DOCK2: variants seen among roughly 807,000 people sequenced by gnomAD.
DOCK2 encodes dedicator of cytokinesis protein 2.
A neutral mutation model predicts 248.9 loss-of-function variants in DOCK2; 87 were observed. That is an observed-to-expected ratio of 0.35 (90% confidence interval 0.29 to 0.42). DOCK2 has a LOEUF of 0.42. Among genes scored for constraint, DOCK2 ranks in the 10% least tolerant of loss-of-function variants. DOCK2 has a pLI of 1.00. For synonymous variants in DOCK2, 805 were observed against 821.6 expected (o/e 0.98, Z 0.35); for missense variants, 1,747 against 2,300.2 (o/e 0.76, Z 4.92).
intron 23 of DOCK2, 42 bp from the exon 24 acceptor site, chr5:169,759,652 GCACAGACTTGT>G: frequency 2.5e-6 from 4 of 1,600,322 alleles, no homozygotes; most frequent in Non-Finnish European, 8.6e-7. Context: ...CTCTTTGCCA[GCACAGACTTGT>G]TGATGTGAGG....
chr5:169,714,394 G>A lies in DOCK2; in HGVS notation c.1878G>A (p.Lys626=). ...GLLGLLKWRM[K]PQLLQENLEK... ...TGGGTTTGCTGAAGTGGCGTATGAA[G>A]CCTCAACTGCTACAGGAGAATTTAG... Residue 626 remains lysine, a synonymous_variant, in exon 19 of 52, where the codon AAG becomes AAA. Coordinates refer to ENST00000520908, the MANE Select transcript of DOCK2 (RefSeq NM_004946.3). 2 of 1,614,072 alleles carry A rather than the reference G, an allele frequency of 1.2e-6. No homozygotes were observed. The highest frequency in any genetic ancestry group is 1.1e-5 in the South Asian group (1 of 91,082).
At chr5:169,963,895 G>A (rs1463688393) in intron 27 of DOCK2, among the ~76,000 whole-genome samples, 2 of 152,122 alleles carry the variant, frequency 1.3e-5, no homozygotes, top group Non-Finnish European at 2.9e-5. Context: ...GGTGTGGGGT[G>A]GAGCCTGAGA....
At chr5:169,701,757 A>T (rs1760983672) in intron 13 of DOCK2, among the ~76,000 whole-genome samples, 1 of 152,056 alleles carries the variant, frequency 6.6e-6, no homozygotes, top group African/African-American at 2.4e-5. Flanking sequence ...AGCTCAGGCG[A>T]TCTGCCCGCT....
intron 29 of DOCK2, among the ~76,000 whole-genome samples, chr5:169,993,854 A>G (rs1383753253): frequency 6.6e-6 from 1 of 151,922 alleles, no homozygotes; most frequent in Non-Finnish European, 1.5e-5. Flanking sequence ...GCAACTTTCA[A>G]TCAGTGAGGG....
rs748817636 is a variant in DOCK2, at chr5:169,712,025, T to C, written c.1555+18T>C. ...TCTGGAATGTGAGTACCATACTGAA[T>C]GGCATCTCTGCACCTCCCCCTAAGG... On this transcript the variant is annotated intron_variant, in intron 16 of 51. Transcript: ENST00000520908. The C allele has an allele frequency of 7.3e-5, 118 of 1,614,016 alleles. No homozygotes were observed. Among genetic ancestry groups the C allele is most frequent in the Non-Finnish European group, 9.5e-5 (112 of 1,179,972 alleles).
chr5:169,883,177 G>C (rs780974743), intron 27 of DOCK2: 2 of 1,551,632 alleles, frequency 1.3e-6, no homozygotes, highest in Admixed American at 3.9e-5. Context: ...CCCATCACCT[G>C]GACGTGTGTC....
intron 32 of DOCK2, among the ~76,000 whole-genome samples, chr5:170,012,261 G>T (rs1755329155): frequency 6.8e-6 from 1 of 147,660 alleles, no homozygotes; most frequent in Non-Finnish European, 1.5e-5. Context: ...TGTTTCAAAG[G>T]ATGTGAAATG....
intron 27 of DOCK2, among the ~76,000 whole-genome samples, chr5:169,890,189 C>T (rs1773202875): frequency 6.6e-6 from 1 of 152,186 alleles, no homozygotes; most frequent in African/African-American, 2.4e-5. Context: ...ATTTAGCTGG[C>T]CAGACATCTA....
At chr5:170,048,052 A>G (rs916036387) in intron 40 of DOCK2, among the ~76,000 whole-genome samples, 1 of 152,228 alleles carries the variant, frequency 6.6e-6, no homozygotes, top group Non-Finnish European at 1.5e-5. Flanking sequence ...CTACATGAGA[A>G]ATTAAAACTA....
intron 25 of DOCK2, among the ~76,000 whole-genome samples, chr5:169,767,553 T>C (rs1222164510): frequency 6.6e-6 from 1 of 152,238 alleles, no homozygotes; most frequent in Non-Finnish European, 1.5e-5. Context: ...GGATCCTGGC[T>C]TGATTGCATG....
At position 169,953,904 on chromosome 5, in the gene DOCK2, G is replaced by A. The variant is rs1395876052; in HGVS notation, c.2800-29164G>A. ...GTTTCCTCATCAGTAGAATAGGAAT[G>A]GTAATTGTAACTACCTCAAGAATTG... is the stretch of plus-strand genomic sequence containing the variant. On this transcript the variant is annotated intron_variant, in intron 27 of 51. Transcript: ENST00000520908. Among the ~76,000 whole-genome samples, 3 of 152,328 alleles carry A rather than the reference G, an allele frequency of 2.0e-5. No individual in the cohort carries two copies. The East Asian group carries it at 5.8e-4, about 29-fold the overall frequency.
chr5:170,023,679 C>A lies in DOCK2; in HGVS notation c.3382-4184C>A, dbSNP rs535307191. The stretch of plus-strand genomic sequence containing the variant: ...GACACCCCTTCTCACGTGACATTCT[C>A]TTTTCCAGGTTCCTCCCAACTCTAC... On this transcript the variant is annotated intron_variant, in intron 33 of 51. Transcript: ENST00000520908. Among the ~76,000 whole-genome samples, 77 of 152,298 alleles carry A rather than the reference C, an allele frequency of 5.1e-4. 1 individual carries two copies. The highest frequency in any genetic ancestry group is 1.7e-3 in the African/African-American group (72 of 41,548).
At chr5:169,921,495 G>A (rs941316050) in intron 27 of DOCK2, among the ~76,000 whole-genome samples, 3 of 152,170 alleles carry the variant, frequency 2.0e-5, no homozygotes, top group African/African-American at 4.8e-5. Flanking sequence ...CACTAAGCAC[G>A]TGGATCAACA....
At position 169,717,544 on chromosome 5, in the gene DOCK2, C is replaced by CTAGG. The variant is rs998299318; in HGVS notation, c.2132+61_2132+64dup. On this transcript the variant is annotated intron_variant, in intron 21 of 51. Transcript: ENST00000520908. ...CCACCCTCTTGCCCTGCCAGGATGC[C>CTAGG]TAGGGCACAGGAACTTGAGTAATTT... 5 of 1,473,790 alleles carry CTAGG rather than the reference C, an allele frequency of 3.4e-6. No individual in the cohort carries two copies. In the African/African-American group the frequency reaches 6.9e-5, roughly 20 times the overall value. 91.3% of individuals were successfully genotyped at this position (1,473,790 alleles called of 1,614,324 possible).
intron 25 of DOCK2, among the ~76,000 whole-genome samples, chr5:169,802,177 T>A (rs1767039094): frequency 6.6e-6 from 1 of 152,194 alleles, no homozygotes; most frequent in African/African-American, 2.4e-5. Context: ...TCTTTCTTTT[T>A]TTGAGATGCA....
At chr5:169,817,960 ATCT>A (rs1286713681) in intron 26 of DOCK2, among the ~76,000 whole-genome samples, 2 of 152,354 alleles carry the variant, frequency 1.3e-5, no homozygotes, top group Admixed American at 6.5e-5. Context: ...AGAAAGGTAA[ATCT>A]TCTGCTTTTG....
At chr5:169,701,508 T>C (rs1760966997) in intron 13 of DOCK2, among the ~76,000 whole-genome samples, 2 of 152,086 alleles carry the variant, frequency 1.3e-5, no homozygotes, top group Non-Finnish European at 2.9e-5. Flanking sequence ...TCCTTTTTTT[T>C]TTTCTTTTTG....
chr5:170,054,983 G>T (rs961594915), intron 41 of DOCK2, among the ~76,000 whole-genome samples: 2 of 152,186 alleles, frequency 1.3e-5, no homozygotes, highest in South Asian at 4.1e-4. Flanking sequence ...GATGTACTCT[G>T]CAATTGATTT....
At chr5:170,008,472 C>T (rs767856069) in intron 30 of DOCK2, 25 bp from the exon 31 acceptor site, 2 of 1,612,914 alleles carry the variant, frequency 1.2e-6, no homozygotes, top group Non-Finnish European at 1.7e-6. Flanking sequence ...CTCTCCATAA[C>T]TGTTCTCTGC....
Sources: gnomAD v4.1 joint callset for allele counts (sites outside exome capture counted in the v4.1 genomes callset) on GRCh38, gnomAD v4.1.1 for gene constraint, MANE v1.5 for transcripts, NCBI Gene and HGNC (gene_info 2026-07-23, HGNC 2026-07-21) for gene names.